ULK4: variants seen among roughly 807,000 people sequenced by gnomAD.
ULK4 encodes the protein unc-51 like kinase 4.
A neutral mutation model predicts 160.6 loss-of-function variants in ULK4; 133 were observed. The observed-to-expected ratio is 0.83, with a 90% CI of 0.72 to 0.96. The LOEUF (loss-of-function observed/expected upper bound fraction) is 0.96, where lower values mean the gene tolerates loss of function less well. ULK4 is among the 40% of genes least tolerant of loss of function. The pLI, the probability that ULK4 is intolerant of heterozygous loss-of-function variation, is 0.00. For synonymous variants in ULK4, 534 were observed against 539.8 expected (o/e 0.99, Z 0.15); for missense variants, 1,580 against 1,499.5 (o/e 1.05, Z -0.89).
In ULK4 at chr3:41,398,097, T is replaced by C. The variant is rs906592278; in HGVS notation, c.3660A>G (p.Leu1220=). ...AACTCACCATTCTTCTGAGAATCCT[T>C]AACAGAAGCTTCTGCTCCTTTGGGT... ...KEDPKEQKLL[L]RILRRMITSN... The change falls in exon 35 of 37, where the codon TTA becomes TTG. Residue 1220 remains leucine (L), a synonymous_variant. Transcript: ENST00000301831. 8 of 1,612,668 alleles carry C rather than the reference T, an allele frequency of 5.0e-6. No homozygotes were observed. Among genetic ancestry groups the C allele is most frequent in the Non-Finnish European group, 5.9e-6 (7 of 1,179,400 alleles).
At chr3:41,465,514 G>A (rs1310034293) in intron 32 of ULK4, among the ~76,000 whole-genome samples, 1 of 152,252 alleles carries the variant, frequency 6.6e-6, no homozygotes, top group East Asian at 1.9e-4. Flanking sequence ...ATGCAAAGCA[G>A]CTCCATAAAT....
intron 35 of ULK4, among the ~76,000 whole-genome samples, chr3:41,387,861 T>C (rs1204248271): frequency 1.3e-5 from 2 of 152,254 alleles, no homozygotes; most frequent in African/African-American, 4.8e-5. Context: ...CATAGCAGCA[T>C]GATTTATAAT....
chr3:41,949,821 C>T (rs1237946412), intron 2 of ULK4, among the ~76,000 whole-genome samples: 1 of 151,618 alleles, frequency 6.6e-6, no homozygotes, highest in East Asian at 1.9e-4. Context: ...ACTGCAACCT[C>T]GACCTCCAGG....
At chr3:41,954,960 A>G (rs1156380278) in intron 1 of ULK4, among the ~76,000 whole-genome samples, 153 bp from the exon 2 acceptor site, 1 of 152,236 alleles carries the variant, frequency 6.6e-6, no homozygotes, top group East Asian at 1.9e-4. Context: ...ACTAATGCTG[A>G]TATTTTTGCA....
chr3:41,618,499 C>A (rs2033086082), intron 30 of ULK4, among the ~76,000 whole-genome samples: 1 of 152,070 alleles, frequency 6.6e-6, no homozygotes, highest in Non-Finnish European at 1.5e-5. Context: ...AATTTTCAAC[C>A]CAGAATTTCA....
intron 31 of ULK4, among the ~76,000 whole-genome samples, chr3:41,577,292 G>C (rs957405155): frequency 7.9e-5 from 12 of 151,928 alleles, no homozygotes; most frequent in Non-Finnish European, 1.6e-4. Context: ...ACTAGACCTT[G>C]GAAGAATCTT....
Position 41,762,386 on chromosome 3 carries a change from GT to G in ULK4, c.2194-7899del, listed in dbSNP as rs1329087718. On this transcript the variant is annotated intron_variant, in intron 21 of 36. Coordinates refer to ENST00000301831, the MANE Select transcript of ULK4 (RefSeq NM_017886.4). ...CTATCTACCCAAAAGAATTTAAAATGTTTTTTTAAGTTTAAAAAATAAGAAA... is the reference window on the plus strand; with the variant it reads ...CTATCTACCCAAAAGAATTTAAAATGTTTTTTAAGTTTAAAAAATAAGAAA... Among the ~76,000 whole-genome samples the G allele has an allele frequency of 1.3e-4, 19 of 151,886 alleles. No individual in the cohort carries two copies. In the East Asian group the frequency reaches 2.7e-3, roughly 22 times the overall value.
At chr3:41,656,832 G>A (rs1024768611) in intron 30 of ULK4, among the ~76,000 whole-genome samples, 4 of 150,706 alleles carry the variant, frequency 2.7e-5, no homozygotes, top group Non-Finnish European at 5.9e-5. Flanking sequence ...TTTTTTTTTT[G>A]CAATACAGGA....
intron 34 of ULK4, among the ~76,000 whole-genome samples, chr3:41,412,095 C>T (rs1037889580): frequency 6.6e-6 from 1 of 152,108 alleles, no homozygotes; most frequent in Non-Finnish European, 1.5e-5. Context: ...GTGAGTTTAA[C>T]AAAGTTGCAG....
intron 5 of ULK4, among the ~76,000 whole-genome samples, chr3:41,920,805 A>G (rs1375877257): frequency 6.6e-6 from 1 of 152,122 alleles, no homozygotes; most frequent in African/African-American, 2.4e-5. Flanking sequence ...AAGTTCTCCC[A>G]TGGAGCATTT....
chr3:41,932,775 G>GCC (rs1237595882), intron 4 of ULK4, among the ~76,000 whole-genome samples: 1 of 152,206 alleles, frequency 6.6e-6, no homozygotes, highest in Admixed American at 6.5e-5. Flanking sequence ...CAAGTGCAGT[G>GCC]CCTCACACCT....
chr3:41,941,827 C>T (rs1346642486), intron 2 of ULK4, among the ~76,000 whole-genome samples: 1 of 146,448 alleles, frequency 6.8e-6, no homozygotes, highest in Non-Finnish European at 1.5e-5. Flanking sequence ...TAAGGAAGAC[C>T]ACCTGGTGAC....
chr3:41,423,903 C>A (rs2082718558), intron 34 of ULK4, among the ~76,000 whole-genome samples: 1 of 152,174 alleles, frequency 6.6e-6, no homozygotes, highest in African/African-American at 2.4e-5. Context: ...GAGCCAACAC[C>A]ACCAGGGCCT....
chr3:41,328,143 T>C (rs978651753), intron 35 of ULK4, among the ~76,000 whole-genome samples: 2 of 151,918 alleles, frequency 1.3e-5, no homozygotes, highest in African/African-American at 4.8e-5. Context: ...AAATGCAGGG[T>C]TCTACAGTGA....
chr3:41,706,827 CAAAAAA>C (rs1156423434), intron 25 of ULK4, among the ~76,000 whole-genome samples: 5 of 58,222 alleles, frequency 8.6e-5, no homozygotes, highest in African/African-American at 1.7e-4. Flanking sequence ...GACTCTGTCT[CAAAAAA>C]AAAAAAAAAA....
At chr3:41,537,052 C>A (rs550514961) in intron 32 of ULK4, among the ~76,000 whole-genome samples, 1 of 152,188 alleles carries the variant, frequency 6.6e-6, no homozygotes, top group Non-Finnish European at 1.5e-5. Flanking sequence ...GCTTCTTCTA[C>A]ATCTTCTTCC....
chr3:41,877,378 G>C (rs1697348492), intron 17 of ULK4, among the ~76,000 whole-genome samples: 1 of 151,164 alleles, frequency 6.6e-6, no homozygotes, highest in Admixed American at 6.6e-5. Flanking sequence ...CTGTTGCCTA[G>C]GCTGGAGCGC....
intron 35 of ULK4, among the ~76,000 whole-genome samples, chr3:41,319,188 T>C (rs2080202713): frequency 6.6e-6 from 1 of 152,184 alleles, no homozygotes; most frequent in South Asian, 2.1e-4. Flanking sequence ...ACTTGCAAGC[T>C]GCATTATTCT....
Position 41,716,018 on chromosome 3 carries a change from C to T in ULK4, c.2456-450G>A, listed in dbSNP as rs572559193. ...CACGAGGTCAGGAGATCGAGACCAT[C>T]CTGGCCAAAATAGTGAAACCCCATC... On this transcript the variant is annotated intron_variant, in intron 23 of 36. Transcript: ENST00000301831. 3.3e-5 allele frequency among the ~76,000 whole-genome samples: 5 copies of T among 151,482 alleles called. No homozygotes were observed. In the South Asian group the frequency reaches 8.3e-4, roughly 25 times the overall value.
Sources: gnomAD v4.1 joint callset for allele counts (sites outside exome capture counted in the v4.1 genomes callset) on GRCh38, gnomAD v4.1.1 for gene constraint, MANE v1.5 for transcripts, NCBI Gene and HGNC (gene_info 2026-07-23, HGNC 2026-07-21) for gene names.